Variants in GAS7 observed in about 807,000 individuals in gnomAD.
The protein encoded by GAS7 is growth arrest-specific protein 7.
A neutral mutation model predicts 71.1 loss-of-function variants in GAS7; 28 were observed. The observed-to-expected ratio is 0.39, with a 90% CI of 0.29 to 0.54. GAS7 has a LOEUF of 0.54. GAS7 is among the 20% of genes least tolerant of loss of function. The probability of loss-of-function intolerance (pLI) is 0.62; values close to 1 mark genes in which losing one functional copy is unlikely to be tolerated. For synonymous variants in GAS7, 258 were observed against 245.8 expected, an observed-to-expected ratio of 1.05 and a Z score of -0.46; for missense variants, 436 against 627.8, an observed-to-expected ratio of 0.69 and a Z score of 3.27.
rs958427456 is a variant in GAS7 at position 10,066,437 on chromosome 17, T to G, written c.184-46540A>C. The stretch of plus-strand genomic sequence containing the variant: ...TCAGGTGATCCGCCCGCCTCGGCCT[T>G]TCAAAGAGCTGGGATTACAGGTGTG... On this transcript the variant is annotated intron_variant, in intron 1 of 13. Transcript: ENST00000432992. Among the ~76,000 whole-genome samples the G allele has an allele frequency of 3.9e-5, 6 of 152,128 alleles. No individual in the cohort carries two copies. The East Asian group carries it at 1.2e-3, about 29-fold the overall frequency.
At chr17:10,015,703 T>A (rs980093017) in intron 2 of GAS7, among the ~76,000 whole-genome samples, 5 of 152,208 alleles carry the variant, frequency 3.3e-5, no homozygotes, top group Non-Finnish European at 7.3e-5. Context: ...TCCCTTAGAC[T>A]GCCGAGCAAA....
At chr17:9,996,523 T>G (rs1351724033) in intron 2 of GAS7, among the ~76,000 whole-genome samples, 1 of 150,064 alleles carries the variant, frequency 6.7e-6, no homozygotes, top group African/African-American at 2.5e-5. Context: ...TATACATATG[T>G]AACTAACCTG....
chr17:10,010,619 T>C (rs1248260686), intron 2 of GAS7, among the ~76,000 whole-genome samples: 4 of 152,182 alleles, frequency 2.6e-5, no homozygotes, highest in East Asian at 1.9e-4. Context: ...ATATTGTATG[T>C]CAAAAATGCA....
intron 1 of GAS7, among the ~76,000 whole-genome samples, chr17:10,176,123 G>C (rs1444707959): frequency 1.3e-5 from 2 of 152,250 alleles, no homozygotes; most frequent in Non-Finnish European, 2.9e-5. Flanking sequence ...ACTGAAGGCA[G>C]GGAAGGATGA....
At chr17:9,944,842 C>A (rs2068732515) in intron 6 of GAS7, among the ~76,000 whole-genome samples, 1 of 152,170 alleles carries the variant, frequency 6.6e-6, no homozygotes, top group African/African-American at 2.4e-5. Flanking sequence ...AATCTGCCTC[C>A]CTTCTAGGAT....
At chr17:10,000,764 C>T (rs900560711) in intron 2 of GAS7, among the ~76,000 whole-genome samples, 5 of 152,222 alleles carry the variant, frequency 3.3e-5, no homozygotes, top group African/African-American at 1.2e-4. Context: ...ACCATGTGCC[C>T]CTGGCCCTTT....
intron 1 of GAS7, among the ~76,000 whole-genome samples, chr17:10,051,170 A>G (rs2073056789): frequency 6.6e-6 from 1 of 152,186 alleles, no homozygotes; most frequent in African/African-American, 2.4e-5. Flanking sequence ...CACCTACTTC[A>G]TAGAATTTTT....
chr17:10,099,624 T>C (rs2073679454), intron 1 of GAS7, among the ~76,000 whole-genome samples: 1 of 152,196 alleles, frequency 6.6e-6, no homozygotes, highest in Non-Finnish European at 1.5e-5. Flanking sequence ...AGACCCATCC[T>C]GGGCAAGGCA....
chr17:9,990,680 G>A (rs2070807725), intron 2 of GAS7, among the ~76,000 whole-genome samples: 1 of 152,248 alleles, frequency 6.6e-6, no homozygotes, highest in South Asian at 2.1e-4. Context: ...GAGCAGCAAG[G>A]AGGATAGTGT....
chr17:9,978,502 TAAG>T (rs974642557), intron 3 of GAS7, among the ~76,000 whole-genome samples: 3 of 150,428 alleles, frequency 2.0e-5, no homozygotes, highest in Non-Finnish European at 3.0e-5. Flanking sequence ...AAAATAATAA[TAAG>T]AAGAAGAAAA....
At chr17:10,190,194 G>C (rs76673518) in intron 1 of GAS7, among the ~76,000 whole-genome samples, 9,250 of 152,226 alleles carry the variant, frequency 0.061, 462 homozygotes, top group East Asian at 0.18. Flanking sequence ...CGATGCAGCC[G>C]TAACTCAGTT....
intron 1 of GAS7, among the ~76,000 whole-genome samples, chr17:10,037,738 G>T (rs369127819): frequency 6.6e-6 from 1 of 151,174 alleles, no homozygotes; most frequent in East Asian, 2.0e-4. Context: ...ATTAAAGGGG[G>T]TGGGGGTGGG....
intron 1 of GAS7, among the ~76,000 whole-genome samples, chr17:10,132,209 A>T (rs1345011563): frequency 6.6e-6 from 1 of 152,202 alleles, no homozygotes; most frequent in Non-Finnish European, 1.5e-5. Context: ...TCTTTCACTT[A>T]CCCCTTTTGT....
intron 2 of GAS7, among the ~76,000 whole-genome samples, chr17:9,986,796 T>A (rs574330545): frequency 6.6e-6 from 1 of 152,304 alleles, no homozygotes; most frequent in East Asian, 1.9e-4. Context: ...GCCTGAAGGA[T>A]TCAGCCCAGT....
chr17:10,043,657 A>G (rs114768477), intron 1 of GAS7, among the ~76,000 whole-genome samples: 5,630 of 152,278 alleles, frequency 0.037, 363 homozygotes, highest in African/African-American at 0.13. Flanking sequence ...GCTCACACCT[A>G]TAATCCCAAC....
At chr17:10,021,798 T>C (rs564592330) in intron 1 of GAS7, among the ~76,000 whole-genome samples, 12 of 152,304 alleles carry the variant, frequency 7.9e-5, no homozygotes, top group Non-Finnish European at 1.3e-4. Context: ...CCAAAATATA[T>C]GCAAGACAAA....
intron 1 of GAS7, among the ~76,000 whole-genome samples, chr17:10,096,513 C>T (rs2073642509): frequency 6.6e-6 from 1 of 152,238 alleles, no homozygotes; most frequent in Non-Finnish European, 1.5e-5. Flanking sequence ...CCTGCATACC[C>T]CACAGTGGCC....
In GAS7 at chr17:9,916,588, T is replaced by C. The variant is rs1275450371; in HGVS notation, c.*640A>G. 1 of 258,870 alleles carries C rather than the reference T, an allele frequency of 3.9e-6. No individual in the cohort carries two copies. The highest frequency in any genetic ancestry group is 7.4e-6 in the Non-Finnish European group (1 of 135,866). 16.0% of individuals were successfully genotyped at this position (258,870 alleles called of 1,614,324 possible). A position where few individuals can be genotyped will look rare whatever the true frequency, so the allele number is the denominator to read the frequency against. ...CTCAATTTGGGGCTAATTTGCCGAA[T>C]GAGGTAGTTCCATCCTGACCTCTCC... On this transcript the variant is annotated 3_prime_UTR_variant, in exon 14 of 14. Coordinates refer to ENST00000432992, the MANE Select transcript of GAS7 (RefSeq NM_201433.2).
At chr17:9,989,104 C>T (rs1363827180) in intron 2 of GAS7, among the ~76,000 whole-genome samples, 1 of 152,108 alleles carries the variant, frequency 6.6e-6, no homozygotes, top group Non-Finnish European at 1.5e-5. Context: ...CTGTCTCAGC[C>T]TCCCAAAGTG....
Sources: gnomAD v4.1 joint callset for allele counts (sites outside exome capture counted in the v4.1 genomes callset) on GRCh38, gnomAD v4.1.1 for gene constraint, MANE v1.5 for transcripts, NCBI Gene and HGNC (gene_info 2026-07-23, HGNC 2026-07-21) for gene names.